ATRIP: variants seen among roughly 807,000 people sequenced by gnomAD.
ATRIP encodes the protein ATR-interacting protein.
In ATRIP, 44 loss-of-function variants were observed where a neutral mutation model predicts 78.1. The observed-to-expected ratio is 0.56, with a 90% CI of 0.44 to 0.72. ATRIP has a LOEUF of 0.72. ATRIP is among the 30% of genes least tolerant of loss of function. The pLI is 0.00. For missense variants in ATRIP, 927 were observed against 980.2 expected (o/e 0.95, Z 0.72); for synonymous variants, 388 against 408.9 (o/e 0.95, Z 0.62).
Position 48,459,340 on chromosome 3 carries a change from A to C in ATRIP, c.830-19A>C. On this transcript the variant is annotated intron_variant, in intron 5 of 12. Coordinates refer to ENST00000320211, the MANE Select transcript of ATRIP (RefSeq NM_130384.3). ...TGCTTCTGGGCTCAAGTTTTGATTT[A>C]CATTTTATCACATTTCAGATAGTAA... The C allele has an allele frequency of 6.2e-7, 1 of 1,604,440 alleles. No individual in the cohort carries two copies. The highest frequency in any genetic ancestry group is 2.2e-5 in the East Asian group (1 of 44,826).
Position 48,464,913 on chromosome 3 carries a change from A to G in ATRIP, c.2138A>G (p.Gln713Arg), listed in dbSNP as rs1469679529. 4.3e-6 allele frequency: 7 copies of G among 1,614,160 alleles called. No individual in the cohort carries two copies. The highest frequency in any genetic ancestry group is 1.3e-5 in the African/African-American group (1 of 75,076). Residue 713 changes from glutamine (Q) to arginine (R), a missense_variant, in exon 12 of 13, where the codon CAG (glutamine) becomes CGG (arginine). Transcript: ENST00000320211. ...RAGGPPRTDQ[Q>R]RRTVRCLRDT... ...GGGGGACCCCCAAGGACCGACCAGC[A>G]GAGGCGGACAGTGCGCTGTCTGCGG...
Position 48,467,459 on chromosome 3 carries a change from G to A in ATRIP, c.*1905G>A. 1 of 1,614,172 alleles carries A rather than the reference G, an allele frequency of 6.2e-7. No individual in the cohort carries two copies. Among genetic ancestry groups the A allele is most frequent in the Non-Finnish European group, 8.5e-7 (1 of 1,180,024 alleles). ...CTAGTCCCAGCCTTGGAGAGAGCAG[G>A]GGTACCAAGGATCTTCCTCCAGTGA... On this transcript the variant is annotated 3_prime_UTR_variant, in exon 13 of 13. Coordinates refer to ENST00000320211, the MANE Select transcript of ATRIP (RefSeq NM_130384.3).
chr3:48,467,000 G>C lies in ATRIP; in HGVS notation c.*1446G>C. The C allele has an allele frequency of 6.2e-7, 1 of 1,613,752 alleles. No homozygotes were observed. Among genetic ancestry groups the C allele is most frequent in the Non-Finnish European group, 8.5e-7 (1 of 1,180,042 alleles). ...TGCTCCTAGCCTTCCTGCGGCGCCA[G>C]CCACAGCCCTGGTGCCTGGTGGCAC... On this transcript the variant is annotated 3_prime_UTR_variant, in exon 13 of 13. Coordinates refer to ENST00000320211, the MANE Select transcript of ATRIP (RefSeq NM_130384.3).
intron 8 of ATRIP, among the ~76,000 whole-genome samples, chr3:48,463,098 T>G (rs997460278): frequency 3.9e-5 from 6 of 152,136 alleles, no homozygotes; most frequent in African/African-American, 1.4e-4. Context: ...ACCAGGCCAG[T>G]CCATCGTGCT....
chr3:48,451,927 G>A (rs367749611), intron 3 of ATRIP, 28 bp downstream of exon 3: 30 of 1,566,318 alleles, frequency 1.9e-5, no homozygotes, highest in Non-Finnish European at 2.4e-5. Flanking sequence ...TTTTGCACCA[G>A]CTTTGCCTGC....
At position 48,466,937 on chromosome 3, in the gene ATRIP, G is replaced by T. The variant is rs374854957; in HGVS notation, c.*1383G>T. On this transcript the variant is annotated 3_prime_UTR_variant, in exon 13 of 13. Coordinates refer to ENST00000320211, the MANE Select transcript of ATRIP (RefSeq NM_130384.3). ...GTCTGAGCACAGCTGTGCTGGCAGCGCATGGGCGTCAATGTTTTGATGACA... is the reference window on the plus strand; with the variant it reads ...GTCTGAGCACAGCTGTGCTGGCAGCTCATGGGCGTCAATGTTTTGATGACA... 1 of 1,611,440 alleles carries T rather than the reference G, an allele frequency of 6.2e-7. No homozygotes were observed. The highest frequency in any genetic ancestry group is 1.1e-5 in the South Asian group (1 of 91,088).
At chr3:48,457,915 G>C (rs2039995510) in intron 5 of ATRIP, among the ~76,000 whole-genome samples, 1 of 151,746 alleles carries the variant, frequency 6.6e-6, no homozygotes, top group African/African-American at 2.4e-5. Context: ...GGGTACATGT[G>C]CACAACGTGC....
At chr3:48,450,551 A>G in intron 2 of ATRIP, 2 of 1,287,464 alleles carry the variant, frequency 1.6e-6, no homozygotes, top group Non-Finnish European at 2.0e-6. Context: ...AAAACCAGGA[A>G]TATGTGGAAT....
At chr3:48,461,931 C>T (rs946847426) in intron 8 of ATRIP, among the ~76,000 whole-genome samples, 5 of 152,170 alleles carry the variant, frequency 3.3e-5, no homozygotes, top group African/African-American at 1.2e-4. Flanking sequence ...GTCTCAAATG[C>T]CGGACCTCAG....
At chr3:48,457,451 G>A (rs761090564) in intron 5 of ATRIP, 35 bp downstream of exon 5, 45 of 1,424,828 alleles carry the variant, frequency 3.2e-5, no homozygotes, top group Non-Finnish European at 3.7e-6. Context: ...TGTATAACAA[G>A]CTACCCAAAT....
Position 48,467,159 on chromosome 3 carries a change from C to G in ATRIP, c.*1605C>G, listed in dbSNP as rs747052975. 61 of 1,613,940 alleles carry G rather than the reference C, an allele frequency of 3.8e-5. 2 individuals carry two copies. The South Asian group carries it at 6.4e-4, about 17-fold the overall frequency. ...AGGCCCTGGAGCGAGCAAGCAGCCC[C>G]TCAGAACACGGCCCAAGGAAGAGCT... On this transcript the variant is annotated 3_prime_UTR_variant, in exon 13 of 13. Coordinates refer to ENST00000320211, the MANE Select transcript of ATRIP (RefSeq NM_130384.3).
chr3:48,460,336 G>C lies in ATRIP; in HGVS notation c.1282G>C (p.Gly428Arg). The change falls in exon 8 of 13, where the codon GGC becomes CGC. Residue 428 changes from glycine (G) to arginine (R), a missense_variant. Transcript: ENST00000320211. Reference protein sequence around the residue: ...HFLPLVQFFIGLHCQALQDLA... With the variant: ...HFLPLVQFFIRLHCQALQDLA... ...CCTCCCCCTTGTACAGTTCTTCATC[G>C]GCTTACACTGCCAGGCCCTGCAGGA... The C allele has an allele frequency of 6.2e-7, 1 of 1,613,340 alleles. No homozygotes were observed. The highest frequency in any genetic ancestry group is 8.5e-7 in the Non-Finnish European group (1 of 1,179,616).
At position 48,463,322 on chromosome 3, in the gene ATRIP, A is replaced by C. The variant is rs981726793; in HGVS notation, c.1746-423A>C. On this transcript the variant is annotated intron_variant, in intron 8 of 12. Transcript: ENST00000320211. ...CTTTCCTTGCCCTGTGAGAGGTCTC[A>C]TAAGATCCAGCCATAGCCAAGGCCA... 3.9e-5 allele frequency among the ~76,000 whole-genome samples: 6 copies of C among 152,288 alleles called. 1 individual carries two copies. The South Asian group carries it at 1.2e-3, about 32-fold the overall frequency.
rs367854994 is a variant in ATRIP, at chr3:48,466,582, G to C, written c.*1028G>C. The C allele has an allele frequency of 6.2e-7, 1 of 1,613,312 alleles. No homozygotes were observed. ...CCCCCTACCCCACTCCCTCCCCTTCGGATCTTAACACTGGGCACTCACACA... is the reference window on the plus strand; with the variant it reads ...CCCCCTACCCCACTCCCTCCCCTTCCGATCTTAACACTGGGCACTCACACA... On this transcript the variant is annotated 3_prime_UTR_variant, in exon 13 of 13. Coordinates refer to ENST00000320211, the MANE Select transcript of ATRIP (RefSeq NM_130384.3).
In ATRIP at chr3:48,467,210, C is replaced by T. The variant is rs755796904; in HGVS notation, c.*1656C>T. On this transcript the variant is annotated 3_prime_UTR_variant, in exon 13 of 13. Transcript: ENST00000320211. ...ATAGCCTAGGCAGCATCTACACTCG[C>T]CTGTATGGGCAGTCCCCTCCAGACT... The T allele has an allele frequency of 1.1e-5, 18 of 1,613,940 alleles. No individual in the cohort carries two copies. The South Asian group carries it at 1.3e-4, about 12-fold the overall frequency.
chr3:48,467,606 G>A lies in ATRIP; in HGVS notation c.*2052G>A. 1 of 1,609,194 alleles carries A rather than the reference G, an allele frequency of 6.2e-7. No individual in the cohort carries two copies. Among genetic ancestry groups the A allele is most frequent in the South Asian group, 1.1e-5 (1 of 90,914 alleles). Reference sequence around the variant, plus strand: ...TGGCCACACCTGGGGAGTAGGCCAAGAAGGAAAATCTGACGAATAAAGACC... The same window carrying A: ...TGGCCACACCTGGGGAGTAGGCCAAAAAGGAAAATCTGACGAATAAAGACC... On this transcript the variant is annotated 3_prime_UTR_variant, in exon 13 of 13. Coordinates refer to ENST00000320211, the MANE Select transcript of ATRIP (RefSeq NM_130384.3).
chr3:48,453,776 C>T (rs1440203845), intron 3 of ATRIP, among the ~76,000 whole-genome samples: 1 of 152,218 alleles, frequency 6.6e-6, no homozygotes, highest in Non-Finnish European at 1.5e-5. Flanking sequence ...TGACATAGGG[C>T]ACCTTACCAA....
In ATRIP at chr3:48,464,937, G is replaced by C; in HGVS notation, c.2162G>C (p.Arg721Pro). The C allele has an allele frequency of 6.2e-7, 1 of 1,614,180 alleles. No individual in the cohort carries two copies. Among genetic ancestry groups the C allele is most frequent in the Non-Finnish European group, 8.5e-7 (1 of 1,180,048 alleles). Residue 721 changes from arginine (R) to proline (P), a missense_variant, in exon 12 of 13, where the codon CGG becomes CCG. Arg to Pro is a moderately radical substitution (Grantham distance 103). Coordinates refer to ENST00000320211, the MANE Select transcript of ATRIP (RefSeq NM_130384.3). ...CAGAGGCGGACAGTGCGCTGTCTGC[G>C]GGACACGGTGCTGCTGCTGCACGGC... ...DQQRRTVRCL[R>P]DTVLLLHGLS...
chr3:48,464,545 T>G, intron 10 of ATRIP, 37 bp from the exon 11 acceptor site: 1 of 1,605,752 alleles, frequency 6.2e-7, no homozygotes, highest in Non-Finnish European at 8.5e-7. Context: ...ACTGGTCTCC[T>G]TCTGCCCAGG....
Sources: gnomAD v4.1 joint callset for allele counts (sites outside exome capture counted in the v4.1 genomes callset) on GRCh38, gnomAD v4.1.1 for gene constraint, MANE v1.5 for transcripts, NCBI Gene and HGNC (gene_info 2026-07-23, HGNC 2026-07-21) for gene names.